Variants in TRPC5 observed in about 807,000 individuals in gnomAD.
TRPC5 encodes the protein short transient receptor potential channel 5.
TRPC5 carries 9 observed loss-of-function variants against 56.5 expected under a neutral mutation model. The ratio of observed to expected loss-of-function variants is 0.16; its 90% CI spans 0.10 to 0.28. TRPC5 has a LOEUF of 0.28. Among genes scored for constraint, TRPC5 ranks in the 10% least tolerant of loss-of-function variants. TRPC5 has a pLI of 1.00. For synonymous variants in TRPC5, 282 were observed against 278.5 expected (o/e 1.01, Z -0.13); for missense variants, 469 against 748.9 (o/e 0.63, Z 4.36).
At position 112,034,465 on chromosome X, in the gene TRPC5, A is replaced by G. The variant is rs1929675053; in HGVS notation, c.-22+47414T>C. ...TTCATTGCCAATGTACAGAAACACA[A>G]CTGATTTTGTATGTTGATTTTTGTT... On this transcript the variant is annotated intron_variant, in intron 1 of 10. Transcript: ENST00000262839. Among the ~76,000 whole-genome samples the G allele has an allele frequency of 2.7e-5, 3 of 110,383 alleles. No individual in the cohort carries two copies. In the South Asian group the frequency reaches 1.1e-3, roughly 42 times the overall value.
Position 111,952,693 on chromosome X carries a change from C to T in TRPC5, c.-21-252G>A, listed in dbSNP as rs976724481. Among the ~76,000 whole-genome samples the T allele has an allele frequency of 5.4e-5, 6 of 111,142 alleles. No homozygotes were observed. The Admixed American group carries it at 5.7e-4, about 11-fold the overall frequency. ...GAGTAAGTTACTCAAGCCCTCTGTG[C>T]TTTATTTATTACTAAGGTTGATGAT... On this transcript the variant is annotated intron_variant, in intron 1 of 10. Coordinates refer to ENST00000262839, the MANE Select transcript of TRPC5 (RefSeq NM_012471.3).
rs753458683 is a variant in TRPC5 at position 111,839,569 on chromosome X, C to T, written c.1701-4453G>A. Among the ~76,000 whole-genome samples, 7 of 111,884 alleles carry T rather than the reference C, an allele frequency of 6.3e-5. No individual in the cohort carries two copies. The South Asian group carries it at 1.1e-3, about 18-fold the overall frequency. On this transcript the variant is annotated intron_variant, in intron 6 of 10. Transcript: ENST00000262839. ...GTGCTTTGCATATACAGTTGTCCCT[C>T]GATATCTGCAAAGGGTTGGTTCCAG...
intron 7 of TRPC5, among the ~76,000 whole-genome samples, chrX:111,796,668 GAC>G (rs1286251866): frequency 8.9e-6 from 1 of 111,742 alleles, no homozygotes; most frequent in African/African-American, 3.2e-5. Flanking sequence ...CATGTATTGT[GAC>G]ACAGCTTCAA....
At chrX:111,957,649 A>G (rs752893700) in intron 1 of TRPC5, among the ~76,000 whole-genome samples, 14 of 111,791 alleles carry the variant, frequency 1.3e-4, no homozygotes, top group African/African-American at 4.6e-4. Context: ...ATTCTTTTGT[A>G]TGCTCCACAA....
intron 3 of TRPC5, among the ~76,000 whole-genome samples, chrX:111,858,303 A>G (rs982471378): frequency 6.3e-5 from 7 of 111,477 alleles, no homozygotes; most frequent in African/African-American, 2.3e-4. Context: ...CGTACCCACT[A>G]GATGCCTCAT....
chrX:111,939,434 T>C (rs1670282355), intron 2 of TRPC5, among the ~76,000 whole-genome samples: 1 of 111,570 alleles, frequency 9.0e-6, no homozygotes, highest in South Asian at 3.7e-4. Context: ...AAATATTCTC[T>C]CCTCCATTTT....
chrX:111,784,846 A>G (rs956442581), intron 7 of TRPC5, among the ~76,000 whole-genome samples: 3 of 112,535 alleles, frequency 2.7e-5, no homozygotes, highest in Non-Finnish European at 5.6e-5. Context: ...ATTGATCTGC[A>G]AGGCGGCAGC....
intron 3 of TRPC5, among the ~76,000 whole-genome samples, chrX:111,873,427 G>A (rs1187115328): frequency 9.0e-6 from 1 of 111,248 alleles, no homozygotes; most frequent in Non-Finnish European, 1.9e-5. Context: ...TGGGATCATT[G>A]AGACCCCTAG....
intron 7 of TRPC5, among the ~76,000 whole-genome samples, chrX:111,789,400 A>G (rs907987528): frequency 3.7e-4 from 42 of 112,281 alleles, no homozygotes; most frequent in South Asian, 2.2e-3. Context: ...CTTACACCTT[A>G]TACAAACATT....
At chrX:111,944,279 T>TGTGTGTGTGG in intron 2 of TRPC5, among the ~76,000 whole-genome samples, 1 of 78,034 alleles carries the variant, frequency 1.3e-5, no homozygotes, top group African/African-American at 7.2e-5. Flanking sequence ...TGTGTGTGTG[T>TGTGTGTGTGG]GTGTGTGTGT....
intron 7 of TRPC5, among the ~76,000 whole-genome samples, chrX:111,801,639 C>T (rs770423717): frequency 2.2e-4 from 25 of 111,764 alleles, no homozygotes; most frequent in Non-Finnish European, 4.3e-4. Flanking sequence ...TTCTTAATGC[C>T]GAATGATGTT....
chrX:111,958,811 A>G (rs1313520735), intron 1 of TRPC5, among the ~76,000 whole-genome samples: 1 of 112,527 alleles, frequency 8.9e-6, no homozygotes, highest in Non-Finnish European at 1.9e-5. Flanking sequence ...GAAATCAGTG[A>G]GGGAAGTGAC....
chrX:111,782,276 T>A lies in TRPC5; in HGVS notation c.1897-138A>T, dbSNP rs145281665. Reference sequence around the variant, plus strand: ...ATAAATTCAAATTATACATACCCTGTCACCCAGTAACCCTACTCTTAGAAA... The same window carrying A: ...ATAAATTCAAATTATACATACCCTGACACCCAGTAACCCTACTCTTAGAAA... On this transcript the variant is annotated intron_variant, in intron 7 of 10. Transcript: ENST00000262839. The A allele has an allele frequency of 4.6e-5, 21 of 458,018 alleles. No homozygotes were observed. In the African/African-American group the frequency reaches 4.7e-4, roughly 10 times the overall value. The allele number at this position is 458,018 out of a possible 1,213,427, so 37.7% of individuals were successfully genotyped here. A position where few individuals can be genotyped will look rare whatever the true frequency, so the allele number is the denominator to read the frequency against.
At chrX:112,055,220 A>G (rs1159933478) in intron 1 of TRPC5, among the ~76,000 whole-genome samples, 2 of 112,356 alleles carry the variant, frequency 1.8e-5, no homozygotes, top group Non-Finnish European at 3.7e-5. Flanking sequence ...AACTTAGTGT[A>G]AGCACAAGAA....
chrX:111,877,753 G>A (rs934822121), intron 3 of TRPC5, among the ~76,000 whole-genome samples: 6 of 111,261 alleles, frequency 5.4e-5, no homozygotes, highest in Non-Finnish European at 9.4e-5. Context: ...AAGAGGAAAC[G>A]GTGAGAGAGA....
chrX:112,011,158 G>C (rs1251864103), intron 1 of TRPC5, among the ~76,000 whole-genome samples: 3 of 111,721 alleles, frequency 2.7e-5, no homozygotes, highest in Non-Finnish European at 5.6e-5. Flanking sequence ...GGATGGGGCT[G>C]TCTTTGAGCA....
rs139587707 is a variant in TRPC5 at position 111,771,505 on chromosome X, C to T, written c.*4808G>A. ...GATGCTAGAGCACACTGGCTTGCTG[C>T]CTCTATCATTCCAGCAGTTAACTCT... On this transcript the variant is annotated 3_prime_UTR_variant, in exon 11 of 11. Coordinates refer to ENST00000262839, the MANE Select transcript of TRPC5 (RefSeq NM_012471.3). Among the ~76,000 whole-genome samples the T allele has an allele frequency of 5.9e-3, 656 of 111,267 alleles. 4 individuals carry two copies. Among genetic ancestry groups the T allele is most frequent in the African/African-American group, 0.02 (616 of 30,628 alleles).
At chrX:111,955,139 A>T (rs1927199051) in intron 1 of TRPC5, among the ~76,000 whole-genome samples, 1 of 112,204 alleles carries the variant, frequency 8.9e-6, no homozygotes, top group Non-Finnish European at 1.9e-5. Context: ...AGTCAGTTCA[A>T]AGTCCAGTTT....
intron 7 of TRPC5, among the ~76,000 whole-genome samples, chrX:111,817,437 C>A (rs909411105): frequency 4.6e-5 from 5 of 108,116 alleles, no homozygotes; most frequent in Non-Finnish European, 9.6e-5. Flanking sequence ...AGCAATTCTC[C>A]TGCTTCGGCC....
Sources: gnomAD v4.1 joint callset for allele counts (sites outside exome capture counted in the v4.1 genomes callset) on GRCh38, gnomAD v4.1.1 for gene constraint, MANE v1.5 for transcripts, NCBI Gene and HGNC (gene_info 2026-07-23, HGNC 2026-07-21) for gene names.